The following DNAAF11 variants were observed in gnomAD, a reference collection of about 807,000 sequenced individuals.
DNAAF11 encodes leucine rich repeat containing 6.
A neutral mutation model predicts 60.8 loss-of-function variants in DNAAF11; 45 were observed. The observed-to-expected ratio is 0.74, with a 90% CI of 0.58 to 0.95. The LOEUF (loss-of-function observed/expected upper bound fraction) is 0.95. Among genes scored for constraint, DNAAF11 ranks in the 40% least tolerant of loss-of-function variants. The pLI, the probability that DNAAF11 is intolerant of heterozygous loss-of-function variation, is 0.00. For synonymous variants in DNAAF11, 191 were observed against 183.5 expected, an observed-to-expected ratio of 1.04 and a Z score of -0.33; for missense variants, 546 against 546.2, an observed-to-expected ratio of 1.00 and a Z score of 0.00.
chr8:132,634,636 G>A (rs1297212656), intron 4 of DNAAF11, among the ~76,000 whole-genome samples: 2 of 150,832 alleles, frequency 1.3e-5, no homozygotes, highest in African/African-American at 4.9e-5. Context: ...GTATATATAA[G>A]TAAATACACT....
chr8:132,675,555 C>A, upstream of DNAAF11: 3 of 1,511,972 alleles, frequency 2.0e-6, no homozygotes, highest in Admixed American at 2.0e-5. Flanking sequence ...CGCTTTTCAC[C>A]CTTCACCCCT....
rs1820913741 is a variant in DNAAF11 at position 132,632,728 on chromosome 8, T to C, written c.653+12A>G. 4.4e-6 allele frequency: 7 copies of C among 1,581,768 alleles called. No individual in the cohort carries two copies. The East Asian group carries it at 1.6e-4, about 35-fold the overall frequency. On this transcript the variant is annotated intron_variant, in intron 5 of 11. Transcript: ENST00000620350. ...AAAAGTTAACTAGAAAGTAAACTAA[T>C]AATTTACATACAGAGTAGCATTGAT...
intron 3 of DNAAF11, among the ~76,000 whole-genome samples, chr8:132,639,059 A>G (rs1279033012): frequency 6.6e-6 from 1 of 152,234 alleles, no homozygotes; most frequent in East Asian, 1.9e-4. Flanking sequence ...AGCGCTTAGC[A>G]TAATGCTTGC....
chr8:132,649,455 G>A (rs529407806), intron 3 of DNAAF11, among the ~76,000 whole-genome samples: 32 of 152,242 alleles, frequency 2.1e-4, no homozygotes, highest in Middle Eastern at 6.8e-3. Flanking sequence ...ACATAGGCAT[G>A]GGCAAGGGCT....
intron 5 of DNAAF11, 48 bp from the exon 6 acceptor site, chr8:132,625,502 C>A (rs376712599): frequency 3.6e-6 from 5 of 1,401,336 alleles, no homozygotes; most frequent in Non-Finnish European, 4.9e-6. Context: ...GATTCATGAG[C>A]TTCATCCTTA....
chr8:132,697,746 A>C, the DNAAF11 span, among the ~76,000 whole-genome samples: 2 of 152,206 alleles, frequency 1.3e-5, no homozygotes, highest in Non-Finnish European at 2.9e-5. Flanking sequence ...ATTGACAATG[A>C]GAGAGATGCT....
chr8:132,644,344 T>C (rs1280098012), intron 3 of DNAAF11, among the ~76,000 whole-genome samples: 2 of 152,156 alleles, frequency 1.3e-5, no homozygotes, highest in Non-Finnish European at 2.9e-5. Flanking sequence ...TAAGGTTGCA[T>C]TTAAAACACA....
upstream of DNAAF11, among the ~76,000 whole-genome samples, chr8:132,678,916 C>T (rs1192833956): frequency 1.3e-5 from 2 of 152,020 alleles, no homozygotes; most frequent in Admixed American, 6.5e-5. Flanking sequence ...CTGTGGGACT[C>T]AAGTATTCTG....
At chr8:132,666,849 G>A (rs1385198997) in intron 1 of DNAAF11, among the ~76,000 whole-genome samples, 1 of 152,154 alleles carries the variant, frequency 6.6e-6, no homozygotes, top group Non-Finnish European at 1.5e-5. Flanking sequence ...GGTGGTCAGG[G>A]ATACCCACAG....
chr8:132,610,409 G>GC, intron 9 of DNAAF11, 148 bp from the exon 10 acceptor site: 3 of 592,028 alleles, frequency 5.1e-6, no homozygotes, highest in Admixed American at 3.1e-5. Flanking sequence ...TATGAGCTAT[G>GC]CTTTCTATGC....
At chr8:132,659,887 C>T (rs1823962828) in intron 2 of DNAAF11, among the ~76,000 whole-genome samples, 1 of 152,138 alleles carries the variant, frequency 6.6e-6, no homozygotes, top group African/African-American at 2.4e-5. Flanking sequence ...GGCCTCTATA[C>T]ACTAGATGCC....
chr8:132,675,509 C>T lies in DNAAF11; in HGVS notation c.-16G>A, dbSNP rs1163336192. On this transcript the variant is annotated 5_prime_UTR_variant, in exon 1 of 12. Transcript: ENST00000620350. ...TCCAGCCCATGGCGCCTCTCCAGTT[C>T]GCTGACCCCGCAAGCCGGACCCGGA... 1 of 1,558,994 alleles carries T rather than the reference C, an allele frequency of 6.4e-7. No individual in the cohort carries two copies. The highest frequency in any genetic ancestry group is 8.7e-7 in the Non-Finnish European group (1 of 1,148,180).
At chr8:132,587,873 A>G (rs938035599) in intron 10 of DNAAF11, among the ~76,000 whole-genome samples, 3 of 152,220 alleles carry the variant, frequency 2.0e-5, no homozygotes, top group Non-Finnish European at 2.9e-5. Context: ...ACTTTTCTAC[A>G]GAATACAAAA....
rs752981877 is a variant in DNAAF11, at chr8:132,675,525, C to A, written c.-32G>T. The A allele has an allele frequency of 6.4e-7, 1 of 1,552,606 alleles. No homozygotes were observed. The highest frequency in any genetic ancestry group is 1.8e-5 in the Admixed American group (1 of 54,438). Reference sequence around the variant, plus strand: ...TCTCCAGTTCGCTGACCCCGCAAGCCGGACCCGGACCTCGAATGACGCTTT... The same window carrying A: ...TCTCCAGTTCGCTGACCCCGCAAGCAGGACCCGGACCTCGAATGACGCTTT... On this transcript the variant is annotated 5_prime_UTR_variant, in exon 1 of 12. Transcript: ENST00000620350.
rs574169984 is a variant in DNAAF11 at position 132,631,643 on chromosome 8, G to A, written c.653+1097C>T. Among the ~76,000 whole-genome samples, 12 of 152,238 alleles carry A rather than the reference G, an allele frequency of 7.9e-5. No homozygotes were observed. In the South Asian group the frequency reaches 1.9e-3, roughly 24 times the overall value. ...ACGCACCAGCTTCAGGATAGCAGAC[G>A]CCACTGGGATGAAGAGAGGCATGGG... On this transcript the variant is annotated intron_variant, in intron 5 of 11. Transcript: ENST00000620350.
chr8:132,621,504 T>G (rs1586607469), intron 7 of DNAAF11, among the ~76,000 whole-genome samples: 1 of 152,086 alleles, frequency 6.6e-6, no homozygotes, highest in Non-Finnish European at 1.5e-5. Flanking sequence ...TAGGGGCAGG[T>G]GAGGCTGCAG....
At position 132,571,591 on chromosome 8, in the gene DNAAF11, G is replaced by C. The variant is rs765225186; in HGVS notation, c.*715C>G. Among the ~76,000 whole-genome samples, 1 of 152,040 alleles carries C rather than the reference G, an allele frequency of 6.6e-6. No homozygotes were observed. The highest frequency in any genetic ancestry group is 2.4e-5 in the African/African-American group (1 of 41,382). ...GAGAGACAGGAGAAAGGGAGGAGAA[G>C]AGAGAGGAGAAAGGGAAGAAGGAGA... is the stretch of plus-strand genomic sequence containing the variant. On this transcript the variant is annotated 3_prime_UTR_variant, in exon 12 of 12. Coordinates refer to ENST00000620350, the MANE Select transcript of DNAAF11 (RefSeq NM_012472.6).
intron 3 of DNAAF11, among the ~76,000 whole-genome samples, chr8:132,650,758 T>A (rs1822929823): frequency 6.6e-6 from 1 of 152,192 alleles, no homozygotes; most frequent in Admixed American, 6.5e-5. Flanking sequence ...GTGGCATTTC[T>A]TAAGTTTAAT....
At chr8:132,681,525 C>T in the DNAAF11 span, among the ~76,000 whole-genome samples, 664 of 152,146 alleles carry the variant, frequency 4.4e-3, 9 homozygotes, top group African/African-American at 0.015. Context: ...TGATCTACTG[C>T]ATCCAACATA....
Sources: allele counts gnomAD v4.1 joint callset (sites outside exome capture counted in the v4.1 genomes callset), GRCh38; gene constraint gnomAD v4.1.1; transcripts MANE v1.5; gene names NCBI Gene and HGNC (gene_info 2026-07-23, HGNC 2026-07-21).